The following NOTCH3 variants were observed in gnomAD, a reference collection of about 807,000 sequenced individuals.
The protein encoded by NOTCH3 is notch receptor 3.
NOTCH3 carries 86 observed loss-of-function variants against 213.3 expected under a neutral mutation model. The observed-to-expected ratio is 0.40, with a 90% CI of 0.34 to 0.48. NOTCH3 has a LOEUF of 0.48. Ranked by LOEUF, NOTCH3 falls within the 20% of genes least tolerant of loss-of-function variation. NOTCH3 has a pLI of 0.57. For synonymous variants in NOTCH3, 1,354 were observed against 1,355.9 expected, an observed-to-expected ratio of 1.00 and a Z score of 0.03; for missense variants, 2,783 against 3,272.6, an observed-to-expected ratio of 0.85 and a Z score of 3.65.
chr19:15,181,253 G>C (rs1363861689), intron 17 of NOTCH3, 91 bp from the exon 18 acceptor site: 3 of 1,188,074 alleles, frequency 2.5e-6, no homozygotes, highest in Non-Finnish European at 3.7e-6. Context: ...CGCTGGGGAC[G>C]TCCCACTCCC....
intron 27 of NOTCH3, 35 bp downstream of exon 27, chr19:15,170,296 C>T (rs1055957197): frequency 6.3e-7 from 1 of 1,580,118 alleles, no homozygotes; most frequent in Admixed American, 1.7e-5. Context: ...ACAAGGTCCC[C>T]GTAGTCAGGG....
intron 20 of NOTCH3, chr19:15,179,721 A>C: frequency 1.7e-6 from 1 of 597,106 alleles, no homozygotes; most frequent in East Asian, 2.9e-5. Flanking sequence ...GTCACTATGA[A>C]AAATACAAAA....
At chr19:15,193,788 A>C (rs1430527373) in intron 2 of NOTCH3, among the ~76,000 whole-genome samples, 1 of 132,816 alleles carries the variant, frequency 7.5e-6, no homozygotes, top group African/African-American at 2.8e-5. Flanking sequence ...AACAAAAAAC[A>C]AAAAAAACAA....
intron 32 of NOTCH3, among the ~76,000 whole-genome samples, chr19:15,161,963 A>G (rs2068977955): frequency 2.0e-5 from 3 of 148,878 alleles, no homozygotes; most frequent in African/African-American, 5.0e-5. Flanking sequence ...CACCTTAGGC[A>G]TAACTTTTTT....
rs2047005455 is a variant in NOTCH3, at chr19:15,200,713, C to G, written c.118+75G>C. 4.4e-6 allele frequency: 5 copies of G among 1,124,246 alleles called. No individual in the cohort carries two copies. In the East Asian group the frequency reaches 2.0e-4, roughly 44 times the overall value. 69.6% of individuals were successfully genotyped at this position (1,124,246 alleles called of 1,614,324 possible). A position where few individuals can be genotyped will look rare whatever the true frequency, so the allele number is the denominator to read the frequency against. On this transcript the variant is annotated intron_variant, in intron 1 of 32. Coordinates refer to ENST00000263388, the MANE Select transcript of NOTCH3 (RefSeq NM_000435.3). Reference sequence around the variant, plus strand: ...GGTTCCTGCCTCCCATGAACCCCCGCCAGCCCCGGCCTTGGGGGTTCTTGC... The same window carrying G: ...GGTTCCTGCCTCCCATGAACCCCCGGCAGCCCCGGCCTTGGGGGTTCTTGC...
At position 15,170,749 on chromosome 19, in the gene NOTCH3, G is replaced by A. The variant is rs2145401698; in HGVS notation, c.4813C>T (p.Gln1605Ter). ...PENDHCFPDA[Q>*]SAADYLGALS... ...GCTCCCAGGTAGTCAGCGGCGCTCT[G>A]GGCATCGGGGAAGCAGTGATCATTC... The change falls in exon 26 of 33, where the codon CAG becomes TAG. Residue 1605 changes from glutamine (Q) to a stop codon, truncating the protein, a stop_gained. Transcript: ENST00000263388. LOFTEE classifies it high-confidence loss of function. 1.2e-6 allele frequency: 2 copies of A among 1,611,718 alleles called. No homozygotes were observed. Among genetic ancestry groups the A allele is most frequent in the Non-Finnish European group, 1.7e-6 (2 of 1,179,294 alleles).
At chr19:15,174,535 GC>G (rs1337570536) in intron 24 of NOTCH3, 135 bp from the exon 25 acceptor site, 3 of 616,964 alleles carry the variant, frequency 4.9e-6, no homozygotes, top group Non-Finnish European at 7.8e-6. Context: ...ACGGACCCAT[GC>G]CAGGCTTTCT....
chr19:15,172,132 G>C (rs550220700), intron 25 of NOTCH3, among the ~76,000 whole-genome samples: 9 of 152,078 alleles, frequency 5.9e-5, no homozygotes, highest in African/African-American at 2.2e-4. Flanking sequence ...CCGACCTCAG[G>C]TGATCCACCC....
At chr19:15,195,053 A>G (rs997640624) in intron 2 of NOTCH3, among the ~76,000 whole-genome samples, 2 of 152,036 alleles carry the variant, frequency 1.3e-5, no homozygotes, top group Non-Finnish European at 2.9e-5. Context: ...AACCACAGCT[A>G]CACACACAGA....
chr19:15,187,744 C>T, intron 10 of NOTCH3, 137 bp downstream of exon 10: 1 of 743,182 alleles, frequency 1.3e-6, no homozygotes, highest in Non-Finnish European at 2.4e-6. Context: ...GCATTATTGG[C>T]TCCACCCCCC....
rs779388442 is a variant in NOTCH3, at chr19:15,178,903, G to T, written c.3757C>A (p.Gln1253Lys). 3 of 1,612,936 alleles carry T rather than the reference G, an allele frequency of 1.9e-6. No homozygotes were observed. The African/African-American group carries it at 4.0e-5, about 22-fold the overall frequency. ...CACTGGCCTCCATGCTGGCATGGCT[G>T]GGACTCGCAGGGAGACAGGACAGTC... ...CQTVLSPCES[Q>K]PCQHGGQCRP... is the part of the protein sequence containing the mutation. The change falls in exon 23 of 33, where the codon CAG (glutamine) becomes AAG (lysine). Residue 1253 changes from glutamine to lysine, a missense_variant. Physicochemically the swap from Gln to Lys is moderately conservative, Grantham distance 53. Coordinates refer to ENST00000263388, the MANE Select transcript of NOTCH3 (RefSeq NM_000435.3).
At chr19:15,195,577 TC>T (rs1457085493) in intron 2 of NOTCH3, among the ~76,000 whole-genome samples, 1 of 148,696 alleles carries the variant, frequency 6.7e-6, no homozygotes, top group African/African-American at 2.5e-5. Flanking sequence ...ACCCGCAAGA[TC>T]CCCCCCACCC....
Position 15,192,015 on chromosome 19 carries a change from G to A in NOTCH3, c.624C>T (p.Asn208=), listed in dbSNP as rs368179321. 4.6e-5 allele frequency: 74 copies of A among 1,613,212 alleles called. No individual in the cohort carries two copies. Among genetic ancestry groups the A allele is most frequent in the Non-Finnish European group, 5.6e-5 (66 of 1,179,974 alleles). The change falls in exon 4 of 33, where the codon AAC becomes AAT. Residue 208 remains asparagine, a synonymous_variant. Coordinates refer to ENST00000263388, the MANE Select transcript of NOTCH3 (RefSeq NM_000435.3). ...AVPCAPSPCR[N]GGTCRQSGDL... is the part of the protein sequence containing the mutation. ...CGCCACTCTGCCTGCAGGTGCCCCC[G>A]TTACGGCATGGTGAGGGTGCACAGG...
chr19:15,193,799 AC>A (rs1283462605), intron 2 of NOTCH3, among the ~76,000 whole-genome samples: 24 of 140,820 alleles, frequency 1.7e-4, no homozygotes, highest in African/African-American at 5.5e-4. Context: ...AAAAAAACAA[AC>A]AGGCCAGGCG....
At position 15,165,998 on chromosome 19, in the gene NOTCH3, C is replaced by T; in HGVS notation, c.5456G>A (p.Ser1819Asn). The change falls in exon 30 of 33, where the codon AGC becomes AAC. Residue 1819 changes from serine to asparagine, a missense_variant. Transcript: ENST00000263388. This position sits in a 1 kb window ranked among gnomAD's most constrained non-coding sequence, Gnocchi z 4.7. ...CTGGCAGATCAGGTCGGAGATGATG[C>T]TAGCTGATGTGTCATCTGCCTCATC... is the stretch of plus-strand genomic sequence containing the variant. ...EEDEADDTSASIISDLICQGA... is the reference protein window; with the variant it reads ...EEDEADDTSANIISDLICQGA... 2 of 1,614,162 alleles carry T rather than the reference C, an allele frequency of 1.2e-6. No homozygotes were observed. Among genetic ancestry groups the T allele is most frequent in the South Asian group, 1.1e-5 (1 of 91,084 alleles).
At chr19:15,164,376 C>CA (rs2046668476) in intron 31 of NOTCH3, among the ~76,000 whole-genome samples, 1 of 151,638 alleles carries the variant, frequency 6.6e-6, no homozygotes, top group African/African-American at 2.4e-5. Flanking sequence ...CCCGTCTCTA[C>CA]TAAAAATACA....
chr19:15,179,753 G>C lies in NOTCH3; in HGVS notation c.3328-257C>G, dbSNP rs983927303. 4.4e-5 allele frequency: 26 copies of C among 589,940 alleles called. No homozygotes were observed. The East Asian group carries it at 7.5e-4, about 17-fold the overall frequency. 36.5% of individuals were successfully genotyped at this position (589,940 alleles called of 1,614,324 possible). A position where few individuals can be genotyped will look rare whatever the true frequency, so the allele number is the denominator to read the frequency against. On this transcript the variant is annotated intron_variant, in intron 20 of 32. Coordinates refer to ENST00000263388, the MANE Select transcript of NOTCH3 (RefSeq NM_000435.3). ...AAAAATTAGCTGGGCGTGGTGGTGG[G>C]TGCCTGTACTCCCAGCTATAATGAG... is the stretch of plus-strand genomic sequence containing the variant.
rs1179290249 is a variant in NOTCH3 at position 15,161,364 on chromosome 19, G to A, written c.6264C>T (p.Cys2088=). The A allele has an allele frequency of 3.3e-6, 5 of 1,525,784 alleles. No individual in the cohort carries two copies. Among genetic ancestry groups the A allele is most frequent in the South Asian group, 2.4e-5 (2 of 82,184 alleles). 94.5% of individuals were successfully genotyped at this position (1,525,784 alleles called of 1,614,324 possible). The change falls in exon 33 of 33, where the codon TGC becomes TGT. Residue 2088 remains cysteine, a synonymous_variant. Transcript: ENST00000263388. ...RGRGKKLTLA[C]PGPLADSSVT... is the part of the protein sequence containing the mutation. ...CCGAGCTGTCAGCCAGGGGGCCCGG[G>A]CAGGCCAGCGTCAGCTTCTTGCCCC...
In NOTCH3 at chr19:15,191,664, C is replaced by A; in HGVS notation, c.803-7G>T. On this transcript the variant is annotated splice_region_variant and splice_polypyrimidine_tract_variant and intron_variant, in intron 5 of 32. Coordinates refer to ENST00000263388, the MANE Select transcript of NOTCH3 (RefSeq NM_000435.3). ...TCCTCCGTGCAGAACTGGCCTGTGG[C>A]ACACAGATGCAGCAGTCCAGCCACC... 6.2e-7 allele frequency: 1 copy of A among 1,613,492 alleles called. No homozygotes were observed. The highest frequency in any genetic ancestry group is 8.5e-7 in the Non-Finnish European group (1 of 1,179,972).
Sources: allele counts gnomAD v4.1 joint callset (sites outside exome capture counted in the v4.1 genomes callset), GRCh38; gene constraint gnomAD v4.1.1; non-coding constraint Gnocchi (gnomAD v3.1); transcripts MANE v1.5; gene names NCBI Gene and HGNC (gene_info 2026-07-23, HGNC 2026-07-21).